ESRRG: variants seen among roughly 807,000 people sequenced by gnomAD.
ESRRG encodes estrogen related receptor gamma, also known as estrogen-related receptor gamma.
In ESRRG, 13 loss-of-function variants were observed where a neutral mutation model predicts 44.0. The ratio of observed to expected loss-of-function variants is 0.30; its 90% CI spans 0.19 to 0.47. ESRRG has a LOEUF of 0.47. Ranked by LOEUF, ESRRG falls within the 20% of genes least tolerant of loss-of-function variation. The probability of loss-of-function intolerance (pLI) is 1.00; values close to 1 mark genes in which losing one functional copy is unlikely to be tolerated. For synonymous variants in ESRRG, 215 were observed against 214.6 expected, an observed-to-expected ratio of 1.00 and a Z score of -0.02; for missense variants, 395 against 580.6, an observed-to-expected ratio of 0.68 and a Z score of 3.29.
intron 3 of ESRRG, among the ~76,000 whole-genome samples, chr1:216,615,350 G>A (rs920643684): frequency 6.6e-6 from 1 of 152,178 alleles, no homozygotes; most frequent in Non-Finnish European, 1.5e-5. Context: ...ATACTTTCAA[G>A]TTCTTTGGCA....
At chr1:216,809,069 A>AT (rs1425516295) in intron 2 of ESRRG, among the ~76,000 whole-genome samples, 3 of 152,072 alleles carry the variant, frequency 2.0e-5, no homozygotes, top group Non-Finnish European at 2.9e-5. Flanking sequence ...GCTACGCTAA[A>AT]TTTTTGTACT....
At chr1:216,766,012 T>C (rs1205797459) in intron 2 of ESRRG, among the ~76,000 whole-genome samples, 1 of 152,096 alleles carries the variant, frequency 6.6e-6, no homozygotes, top group Non-Finnish European at 1.5e-5. Context: ...CTCAAGGCAG[T>C]GGAGGTAAAA....
chr1:217,053,466 AAAGAAAGAAAGAAAG>A (rs2086494086), intron 1 of ESRRG, among the ~76,000 whole-genome samples: 1 of 4,112 alleles, frequency 2.4e-4, no homozygotes, highest in African/African-American at 3.0e-4. Flanking sequence ...AAGCCAAAAA[AAAGAAAGAAAGAAAG>A]AAAGAAAGAA....
chr1:216,593,322 CTTG>C (rs199844842), intron 3 of ESRRG, among the ~76,000 whole-genome samples: 1,768 of 152,250 alleles, frequency 0.012, 32 homozygotes, highest in African/African-American at 0.04. Context: ...ATCAATTATA[CTTG>C]TTGGTGAATT....
At chr1:217,106,047 C>T (rs1339914661) in intron 1 of ESRRG, among the ~76,000 whole-genome samples, 1 of 151,990 alleles carries the variant, frequency 6.6e-6, no homozygotes, top group Non-Finnish European at 1.5e-5. Context: ...ATGCAACATC[C>T]CAAAATTGGC....
intron 2 of ESRRG, among the ~76,000 whole-genome samples, chr1:216,785,601 C>G (rs2094098958): frequency 6.6e-6 from 1 of 152,030 alleles, no homozygotes; most frequent in African/African-American, 2.4e-5. Flanking sequence ...AGAAAGAAGA[C>G]TGTTATGCAA....
At chr1:217,042,986 T>C (rs1558079345) in intron 1 of ESRRG, among the ~76,000 whole-genome samples, 1 of 152,172 alleles carries the variant, frequency 6.6e-6, no homozygotes. Flanking sequence ...CTCGGTGGCC[T>C]GATATCTCCC....
chr1:216,877,039 G>T (rs944626536), intron 2 of ESRRG, among the ~76,000 whole-genome samples: 4 of 148,350 alleles, frequency 2.7e-5, no homozygotes, highest in Non-Finnish European at 6.0e-5. Flanking sequence ...GAAGAATAAA[G>T]GTGTAAACAA....
chr1:217,023,472 G>A (rs2080688763), intron 1 of ESRRG, among the ~76,000 whole-genome samples: 3 of 152,198 alleles, frequency 2.0e-5, no homozygotes, highest in South Asian at 2.1e-4. Context: ...ATTCTTCAAT[G>A]CAGGGGTAGA....
At chr1:216,688,426 T>C (rs1190732594) in intron 1 of ESRRG, among the ~76,000 whole-genome samples, 1 of 152,176 alleles carries the variant, frequency 6.6e-6, no homozygotes, top group Non-Finnish European at 1.5e-5. Flanking sequence ...TGTTACCAAA[T>C]CTAATTCACA....
intron 2 of ESRRG, among the ~76,000 whole-genome samples, chr1:216,878,180 T>A (rs1176931210): frequency 1.3e-5 from 2 of 152,222 alleles, no homozygotes; most frequent in East Asian, 3.9e-4. Context: ...CTTAATGAGT[T>A]TAAGCCCTAA....
intron 2 of ESRRG, among the ~76,000 whole-genome samples, chr1:216,759,275 T>G (rs2092637279): frequency 6.6e-6 from 1 of 152,142 alleles, no homozygotes. Flanking sequence ...CAGGCTCAGA[T>G]AGCAAAGGCT....
At chr1:216,655,768 G>C (rs2070337345) in intron 2 of ESRRG, among the ~76,000 whole-genome samples, 1 of 152,064 alleles carries the variant, frequency 6.6e-6, no homozygotes, top group Non-Finnish European at 1.5e-5. Flanking sequence ...TGCTTTATTT[G>C]CTGGAGGAAA....
At chr1:216,889,423 TG>T (rs2057473286) in intron 2 of ESRRG, among the ~76,000 whole-genome samples, 1 of 152,182 alleles carries the variant, frequency 6.6e-6, no homozygotes, top group Non-Finnish European at 1.5e-5. Flanking sequence ...TGAGAGGCCA[TG>T]GACACCCACT....
chr1:216,871,513 C>T (rs1353137944), intron 2 of ESRRG, among the ~76,000 whole-genome samples: 2 of 151,874 alleles, frequency 1.3e-5, no homozygotes, highest in Non-Finnish European at 2.9e-5. Flanking sequence ...TTGTTCAGTT[C>T]TTCTATAGTC....
chr1:216,931,518 C>A (rs184749175), intron 2 of ESRRG, among the ~76,000 whole-genome samples: 1 of 152,226 alleles, frequency 6.6e-6, no homozygotes, highest in Admixed American at 6.5e-5. Context: ...ATCTTCCCAC[C>A]CCTGCTGCCT....
chr1:216,716,603 T>C (rs1026420365), intron 1 of ESRRG, among the ~76,000 whole-genome samples: 17 of 151,920 alleles, frequency 1.1e-4, no homozygotes, highest in Non-Finnish European at 2.2e-4. Context: ...ATATATGAAA[T>C]TTTGTTTCAC....
chr1:216,777,839 C>T (rs1340470164), intron 2 of ESRRG, among the ~76,000 whole-genome samples: 1 of 152,054 alleles, frequency 6.6e-6, no homozygotes, highest in Non-Finnish European at 1.5e-5. Flanking sequence ...AATTGTTTAA[C>T]TTACATATCT....
In ESRRG at chr1:216,677,458, G is replaced by A; in HGVS notation, c.90C>T (p.His30=). The A allele has an allele frequency of 6.2e-7, 1 of 1,612,956 alleles. No homozygotes were observed. Among genetic ancestry groups the A allele is most frequent in the Non-Finnish European group, 8.5e-7 (1 of 1,179,238 alleles). The part of the protein sequence containing the change: ...LLCRMSNKDR[H]IDSSCSSFIK... ...TGAAGGACGAACAGCTGGAATCAAT[G>A]TGTCGATCTTTGTTTGACATTCTGC... Residue 30 remains histidine, a synonymous_variant, in exon 2 of 7, where the codon CAC becomes CAT. Coordinates refer to ENST00000408911, the MANE Select transcript of ESRRG (RefSeq NM_001438.4).
Sources: allele counts gnomAD v4.1 joint callset (sites outside exome capture counted in the v4.1 genomes callset), GRCh38; gene constraint gnomAD v4.1.1; transcripts MANE v1.5; gene names NCBI Gene and HGNC (gene_info 2026-07-23, HGNC 2026-07-21).